Variants in UGT1A4 observed in about 807,000 individuals in gnomAD.
UGT1A4 encodes the protein UDP glucuronosyltransferase family 1 member A4, also known as UDP-glucuronosyltransferase 1A4.
In UGT1A4, 32 loss-of-function variants were observed where a neutral mutation model predicts 41.1. That is an observed-to-expected ratio of 0.78 (90% CI 0.59 to 1.05). The LOEUF is 1.05. Among genes scored for constraint, UGT1A4 ranks in the 50% least tolerant of loss-of-function variants. The probability of loss-of-function intolerance (pLI) is 0.00; values close to 1 mark genes in which losing one functional copy is unlikely to be tolerated. For synonymous variants in UGT1A4, 283 were observed against 265.1 expected, an observed-to-expected ratio of 1.07 and a Z score of -0.66; for missense variants, 748 against 677.4, an observed-to-expected ratio of 1.10 and a Z score of -1.16.
In UGT1A4 at chr2:233,772,515, A is replaced by G. The variant is rs553499095; in HGVS notation, c.1561A>G (p.Lys521Glu). The change falls in exon 5 of 5, where the codon AAA becomes GAA. Residue 521 changes from lysine to glutamate, a missense_variant. Transcript: ENST00000373409. ...CAYGYRKCLGKKGRVKKAHKS... is the reference protein window; with the variant it reads ...CAYGYRKCLGEKGRVKKAHKS... ...TTATGGCTACCGGAAATGCTTGGGG[A>G]AAAAAGGGCGAGTTAAGAAAGCCCA... is the stretch of plus-strand genomic sequence containing the variant. 82 of 1,614,158 alleles carry G rather than the reference A, an allele frequency of 5.1e-5. No individual in the cohort carries two copies. Among genetic ancestry groups the G allele is most frequent in the Non-Finnish European group, 6.4e-5 (75 of 1,180,028 alleles).
intron 1 of UGT1A4, chr2:233,755,452 C>G (rs1440747230): frequency 1.3e-5 from 4 of 306,254 alleles, no homozygotes; most frequent in Non-Finnish European, 2.6e-5. Context: ...GCTCCTGGGA[C>G]TGGCCCTGCT....
At chr2:233,730,488 G>C (rs181516968) in intron 1 of UGT1A4, among the ~76,000 whole-genome samples, 1 of 152,300 alleles carries the variant, frequency 6.6e-6, no homozygotes, top group East Asian at 1.9e-4. Flanking sequence ...ACATGAAATA[G>C]AAGTGTCAGA....
chr2:233,735,799 G>A (rs61296714), intron 1 of UGT1A4, among the ~76,000 whole-genome samples: 5,119 of 152,182 alleles, frequency 0.034, 99 homozygotes, highest in African/African-American at 0.051. Context: ...GAATTTCTGG[G>A]TTGAAAATTC....
chr2:233,745,835 T>A (rs2125873644), intron 1 of UGT1A4, among the ~76,000 whole-genome samples: 1 of 151,430 alleles, frequency 6.6e-6, no homozygotes, highest in African/African-American at 2.4e-5. Context: ...GGACTCTGAA[T>A]TTTCTTCTGT....
chr2:233,729,140 T>A (rs764216877), intron 1 of UGT1A4: 1 of 1,613,384 alleles, frequency 6.2e-7, no homozygotes, highest in Admixed American at 1.7e-5. Flanking sequence ...GCCACAGGAC[T>A]CCAGGTTCCC....
chr2:233,734,300 G>GAAGA (rs2078508632), intron 1 of UGT1A4, among the ~76,000 whole-genome samples: 1 of 152,112 alleles, frequency 6.6e-6, no homozygotes, highest in Non-Finnish European at 1.5e-5. Context: ...AGATTTTCTA[G>GAAGA]TTTATTTGTG....
chr2:233,730,376 G>A (rs1316829383), intron 1 of UGT1A4, among the ~76,000 whole-genome samples: 1 of 152,114 alleles, frequency 6.6e-6, no homozygotes, highest in Non-Finnish European at 1.5e-5. Context: ...GATTTTCAGG[G>A]GAAAGATGAT....
At chr2:233,756,441 T>C (rs1696218483) in intron 1 of UGT1A4, 1 of 152,178 alleles carries the variant, frequency 6.6e-6, no homozygotes, top group African/African-American at 2.4e-5. Flanking sequence ...TCATTGTTGT[T>C]CCCCCCAAAT....
At chr2:233,743,969 G>GC in intron 1 of UGT1A4, 3 of 1,324,978 alleles carry the variant, frequency 2.3e-6, no homozygotes, top group South Asian at 2.4e-5. Flanking sequence ...CGGCAAGGCT[G>GC]CCAGCACCCA....
At chr2:233,736,459 C>T (rs1461778368) in intron 1 of UGT1A4, among the ~76,000 whole-genome samples, 1 of 152,202 alleles carries the variant, frequency 6.6e-6, no homozygotes, top group African/African-American at 2.4e-5. Flanking sequence ...TTCGAACATG[C>T]ACTTTTAGCT....
chr2:233,764,538 TG>T (rs1304174428), intron 1 of UGT1A4, among the ~76,000 whole-genome samples: 1 of 152,146 alleles, frequency 6.6e-6, no homozygotes, highest in Non-Finnish European at 1.5e-5. Flanking sequence ...GATTGCTGAG[TG>T]GGCGTGTGGG....
chr2:233,729,145 G>A (rs564123639), intron 1 of UGT1A4: 2 of 1,613,490 alleles, frequency 1.2e-6, no homozygotes, highest in African/African-American at 1.3e-5. Flanking sequence ...AGGACTCCAG[G>A]TTCCCCTGCC....
intron 1 of UGT1A4, among the ~76,000 whole-genome samples, chr2:233,745,757 G>C (rs1464205566): frequency 6.7e-6 from 1 of 150,374 alleles, no homozygotes; most frequent in Non-Finnish European, 1.5e-5. Context: ...AGCAGAAGGG[G>C]TGGAGAGGAG....
intron 1 of UGT1A4, chr2:233,743,046 AG>A: frequency 3.1e-6 from 1 of 319,454 alleles, no homozygotes; most frequent in Non-Finnish European, 6.1e-6. Context: ...CTATCCGTGT[AG>A]TCCCAACGAT....
At chr2:233,760,189 G>T in intron 1 of UGT1A4, 1 of 1,566,266 alleles carries the variant, frequency 6.4e-7, no homozygotes. Context: ...TTATAGTCAC[G>T]TGACACAGTC....
intron 1 of UGT1A4, chr2:233,760,235 T>C (rs1697361958): frequency 1.4e-5 from 17 of 1,221,898 alleles, no homozygotes; most frequent in Non-Finnish European, 1.8e-5. Context: ...GTTTTTGCCA[T>C]ATATATATAT....
At chr2:233,734,267 C>T (rs1349289847) in intron 1 of UGT1A4, among the ~76,000 whole-genome samples, 2 of 152,020 alleles carry the variant, frequency 1.3e-5, no homozygotes, top group Non-Finnish European at 2.9e-5. Flanking sequence ...GTGTATGTGT[C>T]CAGGAATTTA....
chr2:233,773,007 TA>T lies in UGT1A4; in HGVS notation c.*449del, dbSNP rs61757317. On this transcript the variant is annotated 3_prime_UTR_variant, in exon 5 of 5. Coordinates refer to ENST00000373409, the MANE Select transcript of UGT1A4 (RefSeq NM_007120.3). ...CAGTCCTCATCTCTGTCGTGCTTCA[TA>T]GGTGCCACCTTGTGTGTTTAAAGAA... is the stretch of plus-strand genomic sequence containing the variant. 26 of 218,224 alleles carry T rather than the reference TA, an allele frequency of 1.2e-4. No homozygotes were observed. Among genetic ancestry groups the T allele is most frequent in the Non-Finnish European group, 2.2e-4 (24 of 108,252 alleles). The allele number at this position is 218,224 out of a possible 1,614,324, so 13.5% of individuals were successfully genotyped here.
chr2:233,765,966 G>C (rs538817499), intron 1 of UGT1A4, among the ~76,000 whole-genome samples: 1 of 152,134 alleles, frequency 6.6e-6, no homozygotes, highest in African/African-American at 2.4e-5. Context: ...GTGTCTAGAG[G>C]TGGATGTTTA....
Sources: gnomAD v4.1 joint callset for allele counts (sites outside exome capture counted in the v4.1 genomes callset) on GRCh38, gnomAD v4.1.1 for gene constraint, MANE v1.5 for transcripts, NCBI Gene and HGNC (gene_info 2026-07-23, HGNC 2026-07-21) for gene names.